FUT8: variants seen among roughly 807,000 people sequenced by gnomAD.
FUT8 encodes the protein alpha-(1,6)-fucosyltransferase.
Under a neutral mutation model 71.3 loss-of-function variants are expected in FUT8, and 29 were observed. That is an observed-to-expected ratio of 0.41 (90% CI 0.30 to 0.55). FUT8 has a LOEUF of 0.55. FUT8 is among the 20% of genes least tolerant of loss of function. FUT8 has a pLI of 0.34. For missense variants in FUT8, 544 were observed against 702.1 expected (o/e 0.77, Z 2.55); for synonymous variants, 254 against 239.3 (o/e 1.06, Z -0.57).
At chr14:65,445,078 G>A (rs773019888) in intron 1 of FUT8, among the ~76,000 whole-genome samples, 1 of 152,136 alleles carries the variant, frequency 6.6e-6, no homozygotes, top group Non-Finnish European at 1.5e-5. Flanking sequence ...GTGGTGGTGA[G>A]CGCTTGTAAT....
chr14:65,455,239 C>T (rs887702714), intron 1 of FUT8, among the ~76,000 whole-genome samples: 27 of 152,012 alleles, frequency 1.8e-4, no homozygotes, highest in African/African-American at 6.0e-4. Flanking sequence ...CATACAAAAT[C>T]GAGGGGAAAT....
In FUT8 at chr14:65,561,255, A is replaced by G. The variant is rs912618485; in HGVS notation, c.-227-82A>G. 1.5e-5 allele frequency: 4 copies of G among 267,596 alleles called. No individual in the cohort carries two copies. The East Asian group carries it at 3.0e-4, about 20-fold the overall frequency. 16.6% of individuals were successfully genotyped at this position (267,596 alleles called of 1,614,324 possible). A position where few individuals can be genotyped will look rare whatever the true frequency, so the allele number is the denominator to read the frequency against. On this transcript the variant is annotated intron_variant, in intron 2 of 10. Transcript: ENST00000673929. ...TCCAACTTGTTGGCCAGTCAACACCAATGTGTTTCCTCCAAGAATCTCAGT... is the reference window on the plus strand; with the variant it reads ...TCCAACTTGTTGGCCAGTCAACACCGATGTGTTTCCTCCAAGAATCTCAGT...
At chr14:65,589,929 T>C (rs1887598866) in intron 3 of FUT8, among the ~76,000 whole-genome samples, 1 of 152,208 alleles carries the variant, frequency 6.6e-6, no homozygotes, top group Non-Finnish European at 1.5e-5. Context: ...ACAAAAGGGG[T>C]ATACATTGGC....
intron 7 of FUT8, among the ~76,000 whole-genome samples, chr14:65,684,778 C>G (rs1371874183): frequency 6.6e-6 from 1 of 152,122 alleles, no homozygotes; most frequent in Non-Finnish European, 1.5e-5. Context: ...GTAAGACTTG[C>G]CTGTTTTGCC....
intron 7 of FUT8, among the ~76,000 whole-genome samples, chr14:65,685,921 T>A (rs1442055090): frequency 6.6e-6 from 1 of 152,186 alleles, no homozygotes; most frequent in Non-Finnish European, 1.5e-5. Flanking sequence ...TTTATGCAAG[T>A]TGTTTTATCA....
chr14:65,573,981 GTC>G (rs1268737440), intron 3 of FUT8, among the ~76,000 whole-genome samples: 1 of 152,148 alleles, frequency 6.6e-6, no homozygotes, highest in African/African-American at 2.4e-5. Flanking sequence ...TTTAGGTGGT[GTC>G]TCTGCTTTGG....
chr14:65,727,983 A>G (rs540251304), intron 9 of FUT8, among the ~76,000 whole-genome samples: 1 of 152,304 alleles, frequency 6.6e-6, no homozygotes, highest in Admixed American at 6.5e-5. Flanking sequence ...AAAACATAAC[A>G]AGAGTCACCT....
chr14:65,633,409 T>G (rs1170201034), intron 6 of FUT8, among the ~76,000 whole-genome samples: 10 of 151,946 alleles, frequency 6.6e-5, no homozygotes, highest in African/African-American at 1.2e-4. Flanking sequence ...CCTCCCAAAG[T>G]GCCGAGATTG....
chr14:65,601,524 T>C (rs1888287314), intron 3 of FUT8, among the ~76,000 whole-genome samples: 1 of 152,166 alleles, frequency 6.6e-6, no homozygotes. Flanking sequence ...ATGCCACTAT[T>C]ACAGATTTTC....
chr14:65,609,166 G>A lies in FUT8; in HGVS notation c.204-6812G>A, dbSNP rs547123716. On this transcript the variant is annotated intron_variant, in intron 3 of 10. Coordinates refer to ENST00000673929, the MANE Select transcript of FUT8 (RefSeq NM_001371533.1). ...AAAAATTAGCCGGGTGTGGTGGCGC[G>A]CTCCTGTAGTCCCAGCTACTTGGGA... 3.6e-4 allele frequency among the ~76,000 whole-genome samples: 55 copies of A among 151,550 alleles called. 1 individual carries two copies. The South Asian group carries it at 5.5e-3, about 15-fold the overall frequency.
Position 65,616,305 on chromosome 14 carries a change from G to T in FUT8, c.414G>T (p.Lys138Asn). ...FFLQSELKKL[K>N]NLEGNELQRH... ...TACAGAGTGAATTGAAGAAATTAAA[G>T]AACTTAGAAGGAAATGAACTCCAAA... Residue 138 changes from lysine (K) to asparagine (N), a missense_variant, in exon 5 of 11, where the codon AAG becomes AAT. By Grantham distance (94) the Lys-to-Asn change is moderately conservative. Transcript: ENST00000673929. The T allele has an allele frequency of 6.2e-7, 1 of 1,612,302 alleles. No homozygotes were observed. The highest frequency in any genetic ancestry group is 8.5e-7 in the Non-Finnish European group (1 of 1,179,174).
At chr14:65,601,724 T>C (rs1768262535) in intron 3 of FUT8, among the ~76,000 whole-genome samples, 3 of 152,188 alleles carry the variant, frequency 2.0e-5, no homozygotes, top group African/African-American at 7.2e-5. Flanking sequence ...AGTGTATTAC[T>C]ATATGATGCC....
At chr14:65,573,403 A>G (rs1886591296) in intron 3 of FUT8, among the ~76,000 whole-genome samples, 1 of 152,146 alleles carries the variant, frequency 6.6e-6, no homozygotes, top group South Asian at 2.1e-4. Flanking sequence ...AACTTTCAAT[A>G]TTTGGAAAAT....
chr14:65,560,607 G>T (rs1461518008), intron 2 of FUT8, among the ~76,000 whole-genome samples: 1 of 152,170 alleles, frequency 6.6e-6, no homozygotes, highest in Non-Finnish European at 1.5e-5. Flanking sequence ...ACCAAGCCTG[G>T]AAAAGAATGT....
chr14:65,373,382 G>A, the FUT8 span, among the ~76,000 whole-genome samples: 1 of 151,498 alleles, frequency 6.6e-6, no homozygotes, highest in African/African-American at 2.4e-5. Flanking sequence ...CAGAGTGACA[G>A]AGCAGCAGAG....
intron 7 of FUT8, among the ~76,000 whole-genome samples, chr14:65,682,050 G>A (rs1224183851): frequency 6.6e-6 from 1 of 152,200 alleles, no homozygotes; most frequent in African/African-American, 2.4e-5. Flanking sequence ...TTACTATCTG[G>A]CCCTTTACAG....
intron 2 of FUT8, among the ~76,000 whole-genome samples, chr14:65,512,091 T>C (rs544581219): frequency 4.6e-5 from 7 of 152,354 alleles, no homozygotes; most frequent in African/African-American, 1.7e-4. Flanking sequence ...TACTGAATAT[T>C]GTAGGCAATT....
intron 7 of FUT8, among the ~76,000 whole-genome samples, chr14:65,707,506 A>G (rs1236941751): frequency 1.3e-5 from 2 of 151,660 alleles, no homozygotes; most frequent in Non-Finnish European, 2.9e-5. Context: ...ATTCAGTTCC[A>G]TTTGTCTATT....
At chr14:65,585,603 G>C (rs528194445) in intron 3 of FUT8, among the ~76,000 whole-genome samples, 32 of 152,280 alleles carry the variant, frequency 2.1e-4, no homozygotes, top group African/African-American at 7.5e-4. Flanking sequence ...TAAGCTGTTT[G>C]TTCTTTTGAT....
Sources: gnomAD v4.1 joint callset for allele counts (sites outside exome capture counted in the v4.1 genomes callset) on GRCh38, gnomAD v4.1.1 for gene constraint, MANE v1.5 for transcripts, NCBI Gene and HGNC (gene_info 2026-07-23, HGNC 2026-07-21) for gene names.